Variants in RALGDS observed in about 807,000 individuals in gnomAD.
The protein encoded by RALGDS is ral guanine nucleotide exchange factor.
RALGDS carries 44 observed loss-of-function variants against 99.8 expected under a neutral mutation model. That is an observed-to-expected ratio of 0.44 (90% CI 0.35 to 0.57). RALGDS has a LOEUF of 0.57. RALGDS is among the 20% of genes least tolerant of loss of function. The pLI is 0.01. For missense variants in RALGDS, 1,022 were observed against 1,203.1 expected (o/e 0.85, Z 2.23); for synonymous variants, 529 against 505.0 (o/e 1.05, Z -0.64).
At chr9:133,132,700 C>T (rs1382747813), upstream of RALGDS, among the ~76,000 whole-genome samples, 7 of 151,730 alleles carry the variant, frequency 4.6e-5, no homozygotes, top group East Asian at 3.9e-4. Flanking sequence ...AGTGCAGTGG[C>T]GCCATCTCGG....
upstream of RALGDS, chr9:133,131,197 G>A (rs1041321342): frequency 8.6e-6 from 10 of 1,161,274 alleles, no homozygotes; most frequent in Non-Finnish European, 7.5e-6. Context: ...GGCCTTAGGG[G>A]ACCCAGCTGA....
upstream of RALGDS, among the ~76,000 whole-genome samples, chr9:133,121,907 G>T (rs2119219780): frequency 6.7e-6 from 1 of 149,842 alleles, no homozygotes; most frequent in African/African-American, 2.5e-5. Context: ...GTGTGCAGTG[G>T]GGGAAAGGGT....
At chr9:133,109,938 C>T (rs1564237386) in intron 3 of RALGDS, among the ~76,000 whole-genome samples, 1 of 152,190 alleles carries the variant, frequency 6.6e-6, no homozygotes, top group Non-Finnish European at 1.5e-5. Flanking sequence ...CTCCAACAGC[C>T]CCCAGATAGA....
intron 8 of RALGDS, 83 bp from the exon 9 acceptor site, chr9:133,106,099 G>T: frequency 9.1e-7 from 1 of 1,099,948 alleles, no homozygotes; most frequent in South Asian, 1.3e-5. Context: ...TTTTAGAGCT[G>T]AAAGACCCCA....
chr9:133,132,555 G>A (rs954304092), upstream of RALGDS, among the ~76,000 whole-genome samples: 1 of 152,206 alleles, frequency 6.6e-6, no homozygotes, highest in African/African-American at 2.4e-5. Flanking sequence ...CTCAGTGGCC[G>A]AGAAGGTGTT....
intron 2 of RALGDS, among the ~76,000 whole-genome samples, chr9:133,111,327 C>T (rs1831331818): frequency 6.6e-6 from 1 of 152,182 alleles, no homozygotes; most frequent in South Asian, 2.1e-4. Context: ...GTCACCCAGG[C>T]TAGAGTGCAG....
chr9:133,120,438 C>G (rs865853055), intron 1 of RALGDS, among the ~76,000 whole-genome samples: 2 of 143,090 alleles, frequency 1.4e-5, no homozygotes, highest in South Asian at 2.3e-4. Flanking sequence ...ACCCCCCCCC[C>G]ACCCCGCTCT....
intron 1 of RALGDS, among the ~76,000 whole-genome samples, chr9:133,148,394 C>T (rs1020708566): frequency 5.3e-5 from 8 of 152,198 alleles, no homozygotes; most frequent in Admixed American, 5.2e-4. Context: ...GCTGGCGTGT[C>T]CTCCCCTTGC....
chr9:133,119,653 G>A (rs59817404), intron 1 of RALGDS, among the ~76,000 whole-genome samples: 80 of 152,222 alleles, frequency 5.3e-4, no homozygotes, highest in Middle Eastern at 3.4e-3. Flanking sequence ...CCAGATGAGC[G>A]CTGGGCTGGT....
chr9:133,116,153 TCCTGCCCTCGGG>T (rs1831599665), intron 1 of RALGDS, among the ~76,000 whole-genome samples: 1 of 151,972 alleles, frequency 6.6e-6, no homozygotes, highest in Non-Finnish European at 1.5e-5. Flanking sequence ...TCCGTGACCC[TCCTGCCCTCGGG>T]CCTGCCCTCC....
At position 133,101,573 on chromosome 9, in the gene RALGDS, T is replaced by C; in HGVS notation, c.2401A>G (p.Ile801Val). Reference protein sequence around the residue: ...LYNQQVGDCCIIRVSLDVDNG... With the variant: ...LYNQQVGDCCVIRVSLDVDNG... ...TCCACGTCCAGGCTGACGCGGATGA[T>C]ACAGCAGTCGCCCACCTGCTGGTTG... is the stretch of plus-strand genomic sequence containing the variant. The change falls in exon 16 of 18, where the codon ATC (isoleucine) becomes GTC (valine). Residue 801 changes from isoleucine to valine, a missense_variant. This residue lies in a region of RALGDS where 825 missense variants were observed against 994.5 expected (regional missense o/e 0.83). Transcript: ENST00000372050. 6.2e-7 allele frequency: 1 copy of C among 1,612,672 alleles called. No individual in the cohort carries two copies. Among genetic ancestry groups the C allele is most frequent in the Non-Finnish European group, 8.5e-7 (1 of 1,180,028 alleles).
chr9:133,119,746 G>A (rs1432197200), intron 1 of RALGDS, among the ~76,000 whole-genome samples: 1 of 152,046 alleles, frequency 6.6e-6, no homozygotes, highest in Admixed American at 6.5e-5. Flanking sequence ...GAGGGTTGAG[G>A]GAACACGTCT....
rs550191773 is a variant in RALGDS at position 133,112,210 on chromosome 9, C to G, written c.184-58G>C. The G allele has an allele frequency of 1.8e-5, 21 of 1,163,294 alleles. No homozygotes were observed. In the East Asian group the frequency reaches 4.1e-4, roughly 23 times the overall value. The allele number at this position is 1,163,294 out of a possible 1,614,324, so 72.1% of individuals were successfully genotyped here. On this transcript the variant is annotated intron_variant, in intron 1 of 17. Transcript: ENST00000372050. Reference sequence around the variant, plus strand: ...GGACGTCAAGGGCCTGCCTGGCCACCGTGCAGGGGATGCACCTGTGTAACC... The same window carrying G: ...GGACGTCAAGGGCCTGCCTGGCCACGGTGCAGGGGATGCACCTGTGTAACC...
At position 133,102,022 on chromosome 9, in the gene RALGDS, C is replaced by G; in HGVS notation, c.2127G>C (p.Val709=). 1 of 1,554,260 alleles carries G rather than the reference C, an allele frequency of 6.4e-7. No homozygotes were observed. Among genetic ancestry groups the G allele is most frequent in the South Asian group, 1.2e-5 (1 of 84,274 alleles). Residue 709 remains valine (V), a synonymous_variant, in exon 15 of 18, where the codon GTG becomes GTC. Coordinates refer to ENST00000372050, the MANE Select transcript of RALGDS (RefSeq NM_006266.4). ...CGGAGCTAGAGGAGCCGGCCGAGTG[C>G]ACGCTGAGCGCGTCAGCGATGTCCC... ...SSGDIADALS[V]HSAGSSSSDV... is the part of the protein sequence containing the mutation.
intron 10 of RALGDS, 78 bp downstream of exon 10, chr9:133,104,185 C>T (rs1157853552): frequency 1.2e-5 from 17 of 1,450,890 alleles, no homozygotes; most frequent in Middle Eastern, 2.3e-4. Flanking sequence ...CCATAGGCAC[C>T]GTGGCTAGAG....
At chr9:133,131,704 C>T (rs1027549026), upstream of RALGDS, among the ~76,000 whole-genome samples, 3 of 152,166 alleles carry the variant, frequency 2.0e-5, no homozygotes, top group Non-Finnish European at 2.9e-5. Flanking sequence ...GCCTCTCTTG[C>T]GCACAGTGAC....
At chr9:133,104,137 C>T in intron 10 of RALGDS, 126 bp downstream of exon 10, 1 of 1,010,952 alleles carries the variant, frequency 9.9e-7, no homozygotes, top group Non-Finnish European at 1.5e-6. Context: ...CCAGGTGTGG[C>T]TCTGCTAGGG....
Position 133,104,327 on chromosome 9 carries a change from C to A in RALGDS, c.1607G>T (p.Gly536Val). 1.2e-6 allele frequency: 2 copies of A among 1,612,620 alleles called. No individual in the cohort carries two copies. Among genetic ancestry groups the A allele is most frequent in the Non-Finnish European group, 1.7e-6 (2 of 1,178,648 alleles). ...CTCCAGGGTGGCAAACTTGGAGGTG[C>A]CCTCCTGCCAGGGTAGAGGACAGGG... is the stretch of plus-strand genomic sequence containing the variant. ...SLSRELLIKEGTSKFATLEMN... is the reference protein window; with the variant it reads ...SLSRELLIKEVTSKFATLEMN... Residue 536 changes from glycine (G) to valine (V), a missense_variant, in exon 10 of 18, where the codon GGC becomes GTC. By Grantham distance (109) the Gly-to-Val change is moderately radical. Transcript: ENST00000372050.
At position 133,101,465 on chromosome 9, in the gene RALGDS, A is replaced by G. The variant is rs761522266; in HGVS notation, c.2454+55T>C. ...AGGGCAGGGATGGTGCACTGTGTTC[A>G]GGGTGCATTTGCCGCCAGTGGAGGG... is the stretch of plus-strand genomic sequence containing the variant. On this transcript the variant is annotated intron_variant, in intron 16 of 17. Coordinates refer to ENST00000372050, the MANE Select transcript of RALGDS (RefSeq NM_006266.4). 5 of 1,606,862 alleles carry G rather than the reference A, an allele frequency of 3.1e-6. No individual in the cohort carries two copies. The South Asian group carries it at 4.4e-5, about 14-fold the overall frequency.
Sources: gnomAD v4.1 joint callset for allele counts (sites outside exome capture counted in the v4.1 genomes callset) on GRCh38, gnomAD v4.1.1 for gene constraint, gnomAD v4.1.1 regional missense constraint, MANE v1.5 for transcripts, NCBI Gene and HGNC (gene_info 2026-07-23, HGNC 2026-07-21) for gene names.